VPS13C: variants seen among roughly 807,000 people sequenced by gnomAD.
The protein encoded by VPS13C is intermembrane lipid transfer protein VPS13C.
Under a neutral mutation model 456.8 loss-of-function variants are expected in VPS13C, and 358 were observed. That is an observed-to-expected ratio of 0.78 (90% CI 0.72 to 0.86). The LOEUF (loss-of-function observed/expected upper bound fraction) is 0.86. VPS13C is among the 40% of genes least tolerant of loss of function. The pLI is 0.00. For missense variants in VPS13C, 4,818 were observed against 4,385.4 expected (o/e 1.10, Z -2.79); for synonymous variants, 1,578 against 1,486.7 (o/e 1.06, Z -1.41).
intron 16 of VPS13C, among the ~76,000 whole-genome samples, chr15:61,993,078 G>A (rs960544958): frequency 1.3e-5 from 2 of 152,038 alleles, no homozygotes; most frequent in Non-Finnish European, 2.9e-5. Context: ...CCACTTTTAA[G>A]AATCTTCTAT....
chr15:62,026,727 C>T (rs767477433), intron 6 of VPS13C, among the ~76,000 whole-genome samples: 42 of 152,102 alleles, frequency 2.8e-4, no homozygotes, highest in Middle Eastern at 3.2e-3. Context: ...TTCAGGCATA[C>T]TTTCTCTGCT....
At position 61,917,425 on chromosome 15, in the gene VPS13C, G is replaced by A; in HGVS notation, c.7971C>T (p.Asp2657=). 1 of 1,613,976 alleles carries A rather than the reference G, an allele frequency of 6.2e-7. No homozygotes were observed. ...GATGAATAATGTAAGCTACATCCCA[G>A]TCTTCCCCATGTGTACATATGTAGC... The part of the protein sequence containing the change: ...ELSYICTHGE[D]WDVAYIIHLY... Residue 2657 remains aspartate, a synonymous_variant, in exon 60 of 85, where the codon GAC becomes GAT. Coordinates refer to ENST00000644861, the MANE Select transcript of VPS13C (RefSeq NM_020821.3).
At chr15:61,937,112 TTAC>T (rs772125275) in intron 47 of VPS13C, among the ~76,000 whole-genome samples, 331 of 152,280 alleles carry the variant, frequency 2.2e-3, no homozygotes, top group Non-Finnish European at 3.9e-3. Flanking sequence ...TCTATATTAT[TTAC>T]TCTCCTTGAA....
chr15:61,886,459 T>C (rs1194146066), intron 67 of VPS13C, among the ~76,000 whole-genome samples: 2 of 152,134 alleles, frequency 1.3e-5, no homozygotes, highest in African/African-American at 4.8e-5. Flanking sequence ...AAGTTCACTT[T>C]TCTCTTGTTT....
At chr15:62,000,856 A>G (rs1377131428) in intron 15 of VPS13C, among the ~76,000 whole-genome samples, 1 of 152,106 alleles carries the variant, frequency 6.6e-6, no homozygotes, top group Non-Finnish European at 1.5e-5. Context: ...TATGAAAATA[A>G]TTTTTCTGTG....
At chr15:61,859,834 T>A (rs1200196523) in intron 82 of VPS13C, among the ~76,000 whole-genome samples, 1 of 152,010 alleles carries the variant, frequency 6.6e-6, no homozygotes, top group African/African-American at 2.4e-5. Flanking sequence ...CATATGTTGA[T>A]GGTTTTTTTT....
In VPS13C at chr15:62,010,538, G is replaced by C; in HGVS notation, c.945C>G (p.Leu315=). 1 of 1,613,496 alleles carries C rather than the reference G, an allele frequency of 6.2e-7. No homozygotes were observed. The highest frequency in any genetic ancestry group is 8.5e-7 in the Non-Finnish European group (1 of 1,179,768). The change falls in exon 13 of 85, where the codon CTC becomes CTG. Residue 315 remains leucine (L), a synonymous_variant. Coordinates refer to ENST00000644861, the MANE Select transcript of VPS13C (RefSeq NM_020821.3). ...TGTTGCAATCCAGTTTGGGCGTTTT[G>C]AGCTCTGATTCTGCATAAGGATTCA... ...LYMNPYAESE[L]KTPKLDCNIE...
chr15:61,962,456 T>C lies in VPS13C; in HGVS notation c.3518A>G (p.Asp1173Gly). Residue 1173 changes from aspartate to glycine, a missense_variant, in exon 34 of 85, where the codon GAC becomes GGC. Asp to Gly is a moderately conservative substitution (Grantham distance 94). Transcript: ENST00000644861. Reference protein sequence around the residue: ...PDATEGDLYTDMSKVDGVLSL... With the variant: ...PDATEGDLYTGMSKVDGVLSL... Reference sequence around the variant, plus strand: ...CAGCACACCATCCACTTTGGACATGTCAGTATACAAATCCCCCTCAGTAGC... The same window carrying C: ...CAGCACACCATCCACTTTGGACATGCCAGTATACAAATCCCCCTCAGTAGC... The C allele has an allele frequency of 6.2e-7, 1 of 1,612,278 alleles. No individual in the cohort carries two copies. The highest frequency in any genetic ancestry group is 8.5e-7 in the Non-Finnish European group (1 of 1,178,880).
chr15:61,999,667 A>AT (rs1242448529), intron 16 of VPS13C, among the ~76,000 whole-genome samples: 1 of 151,780 alleles, frequency 6.6e-6, no homozygotes, highest in African/African-American at 2.4e-5. Flanking sequence ...TGCATTTGTA[A>AT]TTTTTTTTCA....
intron 78 of VPS13C, among the ~76,000 whole-genome samples, chr15:61,872,605 T>C (rs1228065493): frequency 6.6e-6 from 1 of 152,086 alleles, no homozygotes; most frequent in African/African-American, 2.4e-5. Context: ...AATATACTAA[T>C]ACATTTTTAA....
intron 66 of VPS13C, among the ~76,000 whole-genome samples, chr15:61,897,250 G>C (rs901004314): frequency 2.6e-5 from 4 of 152,216 alleles, no homozygotes; most frequent in Admixed American, 2.6e-4. Flanking sequence ...AAGCTGGATG[G>C]AGAATGACTT....
intron 82 of VPS13C, among the ~76,000 whole-genome samples, chr15:61,859,910 G>C (rs1460479704): frequency 1.3e-5 from 2 of 151,678 alleles, no homozygotes; most frequent in African/African-American, 4.8e-5. Context: ...GCAGAGTTAG[G>C]ACCAACTAGT....
At chr15:61,981,731 C>T (rs2045894886) in intron 21 of VPS13C, among the ~76,000 whole-genome samples, 1 of 152,016 alleles carries the variant, frequency 6.6e-6, no homozygotes, top group African/African-American at 2.4e-5. Context: ...GGCGTGGTGG[C>T]GGGCGCCTGC....
intron 9 of VPS13C, among the ~76,000 whole-genome samples, chr15:62,019,951 T>C (rs962990581): frequency 2.0e-5 from 3 of 148,762 alleles, no homozygotes; most frequent in African/African-American, 7.4e-5. Flanking sequence ...GTCCAGCCTA[T>C]ATATATATAT....
Position 61,854,867 on chromosome 15 carries a change from T to C in VPS13C, c.11160+4A>G. 6.2e-7 allele frequency: 1 copy of C among 1,600,406 alleles called. No homozygotes were observed. On this transcript the variant is annotated splice_donor_region_variant and intron_variant, in intron 84 of 84. Transcript: ENST00000644861. Reference sequence around the variant, plus strand: ...AATTGAGGCATGCTCTTTAAATTGTTTACCTCTGCTGTGGCGGTGTCCTTC... The same window carrying C: ...AATTGAGGCATGCTCTTTAAATTGTCTACCTCTGCTGTGGCGGTGTCCTTC...
chr15:62,053,230 A>G (rs2048684338), intron 1 of VPS13C, among the ~76,000 whole-genome samples: 1 of 152,194 alleles, frequency 6.6e-6, no homozygotes, highest in Non-Finnish European at 1.5e-5. Flanking sequence ...CTGGGAGGAA[A>G]AGACTAAAGA....
intron 32 of VPS13C, 34 bp downstream of exon 32, chr15:61,963,801 T>C: frequency 6.7e-7 from 1 of 1,484,832 alleles, no homozygotes; most frequent in Non-Finnish European, 9.4e-7. Context: ...AAGTTTATCT[T>C]TTCGCCAATT....
intron 59 of VPS13C, 150 bp downstream of exon 59, chr15:61,917,986 A>T: frequency 1.4e-6 from 1 of 735,116 alleles, no homozygotes; most frequent in East Asian, 3.1e-5. Flanking sequence ...ATTCAATGAT[A>T]ATATAAATGT....
At chr15:61,984,430 C>G (rs183792199) in intron 19 of VPS13C, among the ~76,000 whole-genome samples, 34 of 152,334 alleles carry the variant, frequency 2.2e-4, no homozygotes, top group Admixed American at 4.6e-4. Context: ...TTCTCTTCCA[C>G]AACTAAGCTC....
Sources: allele counts gnomAD v4.1 joint callset (sites outside exome capture counted in the v4.1 genomes callset), GRCh38; gene constraint gnomAD v4.1.1; transcripts MANE v1.5; gene names NCBI Gene and HGNC (gene_info 2026-07-23, HGNC 2026-07-21).